VWA3B: variants seen among roughly 807,000 people sequenced by gnomAD.
VWA3B encodes the protein von Willebrand factor A domain-containing protein 3B.
VWA3B carries 138 observed loss-of-function variants against 158.3 expected under a neutral mutation model. The ratio of observed to expected loss-of-function variants is 0.87; its 90% CI spans 0.76 to 1.00. The LOEUF is 1.00. VWA3B is among the 50% of genes least tolerant of loss of function. VWA3B has a pLI of 0.00. For missense variants in VWA3B, 1,555 were observed against 1,565.1 expected, an observed-to-expected ratio of 0.99 and a Z score of 0.11; for synonymous variants, 596 against 587.3, an observed-to-expected ratio of 1.01 and a Z score of -0.21.
intron 22 of VWA3B, among the ~76,000 whole-genome samples, chr2:98,276,891 C>T (rs867701410): frequency 6.6e-6 from 1 of 152,194 alleles, no homozygotes; most frequent in African/African-American, 2.4e-5. Context: ...CGCCCCATAG[C>T]TGCCTTGCCG....
intron 8 of VWA3B, chr2:98,179,097 A>G (rs1462776091): frequency 2.5e-6 from 1 of 405,328 alleles, no homozygotes; most frequent in African/African-American, 2.1e-5. Flanking sequence ...TACTCCCACC[A>G]TGGTCTCTTT....
intron 6 of VWA3B, among the ~76,000 whole-genome samples, chr2:98,132,407 G>T (rs1042987991): frequency 6.6e-6 from 1 of 152,230 alleles, no homozygotes; most frequent in African/African-American, 2.4e-5. Flanking sequence ...GTCTCAGGTT[G>T]CAGGAGGCTG....
chr2:98,212,036 C>T lies in VWA3B; in HGVS notation c.1836+8C>T, dbSNP rs2105551698. 2 of 1,612,694 alleles carry T rather than the reference C, an allele frequency of 1.2e-6. No individual in the cohort carries two copies. The highest frequency in any genetic ancestry group is 1.7e-6 in the Non-Finnish European group (2 of 1,178,816). On this transcript the variant is annotated splice_region_variant and intron_variant, in intron 13 of 27. Transcript: ENST00000477737. The stretch of plus-strand genomic sequence containing the variant: ...GATGGGAGACCTGATCAGGTACTTA[C>T]CAGAGCTGGGAACAAAGAGGGCCTC...
At chr2:98,107,524 T>A (rs1673767414) in intron 2 of VWA3B, among the ~76,000 whole-genome samples, 1 of 152,152 alleles carries the variant, frequency 6.6e-6, no homozygotes, top group Admixed American at 6.5e-5. Flanking sequence ...GATTCCTTTT[T>A]GAAGAAGTTT....
At chr2:98,303,118 TG>T (rs895827266) in intron 25 of VWA3B, among the ~76,000 whole-genome samples, 2 of 152,148 alleles carry the variant, frequency 1.3e-5, no homozygotes, top group African/African-American at 4.8e-5. Flanking sequence ...TTTTAAGAGA[TG>T]TCCCCGGGCA....
intron 12 of VWA3B, chr2:98,207,678 C>T (rs1011263594): frequency 4.7e-6 from 2 of 423,466 alleles, no homozygotes; most frequent in Non-Finnish European, 4.6e-6. Flanking sequence ...GTGATGGAAC[C>T]CATTGAAGAA....
chr2:98,133,596 G>C, intron 6 of VWA3B: 1 of 503,052 alleles, frequency 2.0e-6, no homozygotes. Context: ...TCTAATGAAA[G>C]GATGAGTTGT....
At chr2:98,107,653 T>C (rs1559537896) in intron 2 of VWA3B, among the ~76,000 whole-genome samples, 1 of 152,094 alleles carries the variant, frequency 6.6e-6, no homozygotes, top group East Asian at 1.9e-4. Context: ...GTTGTCTAAT[T>C]TGTGAGGAGT....
At chr2:98,099,309 A>C (rs564992800) in intron 2 of VWA3B, 1 of 152,094 alleles carries the variant, frequency 6.6e-6, no homozygotes, top group Non-Finnish European at 1.5e-5. Context: ...GAAAGTCTTT[A>C]TCTCTCCTTC....
At chr2:98,190,270 AATATT>A (rs1344315301) in intron 10 of VWA3B, among the ~76,000 whole-genome samples, 2 of 152,170 alleles carry the variant, frequency 1.3e-5, no homozygotes, top group Non-Finnish European at 2.9e-5. Flanking sequence ...CCCTACAAAT[AATATT>A]ATATCACTTC....
At chr2:98,195,026 G>T (rs1156449035) in intron 12 of VWA3B, among the ~76,000 whole-genome samples, 1 of 152,206 alleles carries the variant, frequency 6.6e-6, no homozygotes, top group East Asian at 1.9e-4. Flanking sequence ...ACAGACTCCT[G>T]GGAAGGATTT....
At chr2:98,322,599 A>C in the VWA3B span, among the ~76,000 whole-genome samples, 1 of 152,248 alleles carries the variant, frequency 6.6e-6, no homozygotes, top group African/African-American at 2.4e-5. Context: ...GCACAGGGAA[A>C]GGTCTGTGTG....
At chr2:98,212,223 A>G (rs550730746) in intron 13 of VWA3B, 195 bp downstream of exon 13, 1 of 512,862 alleles carries the variant, frequency 1.9e-6, no homozygotes, top group South Asian at 3.0e-5. Flanking sequence ...AGGAGAATTT[A>G]TGAGACAGTG....
chr2:98,171,327 A>G (rs555054577), intron 8 of VWA3B, among the ~76,000 whole-genome samples: 19 of 152,212 alleles, frequency 1.2e-4, no homozygotes, highest in Non-Finnish European at 2.5e-4. Context: ...CTTCTGAGCT[A>G]TTCCCAGGGT....
chr2:98,251,087 G>T (rs1686773031), intron 20 of VWA3B, among the ~76,000 whole-genome samples: 1 of 151,950 alleles, frequency 6.6e-6, no homozygotes, highest in Non-Finnish European at 1.5e-5. Flanking sequence ...GATAGAGTGA[G>T]ACCTCGTCTA....
chr2:98,259,558 T>C (rs1687356725), intron 21 of VWA3B, among the ~76,000 whole-genome samples: 1 of 151,804 alleles, frequency 6.6e-6, no homozygotes, highest in African/African-American at 2.4e-5. Flanking sequence ...TCTATAATTA[T>C]TTTTATTTTT....
chr2:98,181,728 G>A (rs190796637), intron 9 of VWA3B, among the ~76,000 whole-genome samples: 1 of 152,322 alleles, frequency 6.6e-6, no homozygotes, highest in East Asian at 1.9e-4. Context: ...TGTGGGTTTT[G>A]TAGGAATACA....
Position 98,133,943 on chromosome 2 carries a change from C to T in VWA3B, c.988+4C>T. ...CTGAAAGGAAAACTCCCTCCAGGTA[C>T]CTGGAATCCAAAAGAAGTGGTGTAG... On this transcript the variant is annotated splice_donor_region_variant and intron_variant, in intron 7 of 27. Transcript: ENST00000477737. 6.2e-7 allele frequency: 1 copy of T among 1,613,188 alleles called. No homozygotes were observed. Among genetic ancestry groups the T allele is most frequent in the Admixed American group, 1.7e-5 (1 of 60,022 alleles).
chr2:98,260,170 T>C (rs1260460656), intron 21 of VWA3B, among the ~76,000 whole-genome samples: 1 of 151,818 alleles, frequency 6.6e-6, no homozygotes, highest in African/African-American at 2.4e-5. Context: ...AAATGTTACA[T>C]GTGCACTTAA....
Sources: allele counts gnomAD v4.1 joint callset (sites outside exome capture counted in the v4.1 genomes callset), GRCh38; gene constraint gnomAD v4.1.1; transcripts MANE v1.5; gene names NCBI Gene and HGNC (gene_info 2026-07-23, HGNC 2026-07-21).